PRKAR1B: variants seen among roughly 807,000 people sequenced by gnomAD.
PRKAR1B encodes protein kinase cAMP-dependent type I regulatory subunit beta.
A neutral mutation model predicts 46.5 loss-of-function variants in PRKAR1B; 22 were observed. The observed-to-expected ratio is 0.47, with a 90% CI of 0.34 to 0.68. The LOEUF (loss-of-function observed/expected upper bound fraction) is 0.68. PRKAR1B is among the 30% of genes least tolerant of loss of function. PRKAR1B has a pLI of 0.01. For missense variants in PRKAR1B, 445 were observed against 535.6 expected (o/e 0.83, Z 1.67); for synonymous variants, 259 against 217.7 (o/e 1.19, Z -1.67).
At chr7:622,130 AC>A (rs1351186464) in intron 4 of PRKAR1B, among the ~76,000 whole-genome samples, 1 of 152,154 alleles carries the variant, frequency 6.6e-6, no homozygotes, top group East Asian at 1.9e-4. Context: ...CCCCGCCCTC[AC>A]CCATGCAAAG....
chr7:570,060 G>C (rs1400515820), intron 9 of PRKAR1B, among the ~76,000 whole-genome samples: 1 of 152,264 alleles, frequency 6.6e-6, no homozygotes, highest in Admixed American at 6.5e-5. Context: ...AAGATGCGCT[G>C]AGATTTCCCT....
chr7:661,468 T>G (rs13227044), intron 4 of PRKAR1B, among the ~76,000 whole-genome samples: 32 of 62,476 alleles, frequency 5.1e-4, no homozygotes, highest in African/African-American at 7.4e-4. Flanking sequence ...CATGGCACAG[T>G]TCCCCACCAC....
rs113545611 is a variant in PRKAR1B at position 568,604 on chromosome 7, T to C, written c.891+10652A>G. 2.4e-3 allele frequency among the ~76,000 whole-genome samples: 370 copies of C among 152,332 alleles called. 1 individual carries two copies. The highest frequency in any genetic ancestry group is 8.8e-3 in the African/African-American group (364 of 41,580). On this transcript the variant is annotated intron_variant, in intron 9 of 10. Transcript: ENST00000537384. ...AGACCACCCCCCACAAGGGAGGGAA[T>C]GTCCACAACCCACTGCCTGCAGGAC...
At chr7:628,232 T>C (rs67374008) in intron 4 of PRKAR1B, among the ~76,000 whole-genome samples, 114,194 of 152,216 alleles carry the variant, frequency 0.75, 43,309 homozygotes, top group South Asian at 0.9. Flanking sequence ...GCACCGGATC[T>C]GCCTCTGCAT....
intron 2 of PRKAR1B, among the ~76,000 whole-genome samples, chr7:700,570 T>G (rs185750850): frequency 6.6e-6 from 1 of 152,044 alleles, no homozygotes; most frequent in Non-Finnish European, 1.5e-5. Context: ...GATTATCAGG[T>G]TAACACTCTA....
At chr7:709,671 T>C (rs1275066956) in intron 2 of PRKAR1B, among the ~76,000 whole-genome samples, 2 of 152,010 alleles carry the variant, frequency 1.3e-5, no homozygotes, top group South Asian at 2.1e-4. Context: ...CACCCAGCCG[T>C]GTGTATGTAT....
intron 4 of PRKAR1B, among the ~76,000 whole-genome samples, chr7:673,163 CAA>C (rs777411998): frequency 1.3e-5 from 2 of 148,594 alleles, no homozygotes; most frequent in Non-Finnish European, 3.0e-5. Context: ...ACTCTGTCTG[CAA>C]AGAGGGAGCT....
intron 2 of PRKAR1B, among the ~76,000 whole-genome samples, chr7:691,296 T>C (rs995477191): frequency 6.6e-6 from 1 of 152,056 alleles, no homozygotes; most frequent in African/African-American, 2.4e-5. Context: ...TTTCCATCCG[T>C]GAAATGAGCC....
intron 1 of PRKAR1B, among the ~76,000 whole-genome samples, chr7:720,359 T>G (rs953790350): frequency 3.3e-5 from 5 of 152,164 alleles, no homozygotes; most frequent in Non-Finnish European, 5.9e-5. Flanking sequence ...CGCCCAGCCC[T>G]CTGTGCAAGT....
chr7:617,597 C>G (rs80326641), intron 4 of PRKAR1B, among the ~76,000 whole-genome samples: 1 of 152,212 alleles, frequency 6.6e-6, no homozygotes, highest in African/African-American at 2.4e-5. Flanking sequence ...TCCCACCCAG[C>G]CCTGTAGGTT....
At chr7:583,596 G>GTA (rs1158845389) in intron 8 of PRKAR1B, among the ~76,000 whole-genome samples, 1 of 69,352 alleles carries the variant, frequency 1.4e-5, no homozygotes, top group African/African-American at 6.8e-5. Context: ...ACTCCCAGGT[G>GTA]CACACACACC....
At chr7:668,263 GCCAAA>G (rs961708373) in intron 4 of PRKAR1B, among the ~76,000 whole-genome samples, 15 of 152,198 alleles carry the variant, frequency 9.9e-5, no homozygotes, top group African/African-American at 3.4e-4. Flanking sequence ...GGCTTTGCTC[GCCAAA>G]CCACAGCTGA....
intron 2 of PRKAR1B, among the ~76,000 whole-genome samples, chr7:691,253 C>T (rs754648886): frequency 1.3e-5 from 2 of 152,244 alleles, no homozygotes; most frequent in Non-Finnish European, 2.9e-5. Context: ...CCGAAGGGTC[C>T]CGCGCCCACC....
intron 4 of PRKAR1B, among the ~76,000 whole-genome samples, chr7:627,537 G>A (rs867343694): frequency 6.6e-6 from 1 of 152,054 alleles, no homozygotes; most frequent in East Asian, 1.9e-4. Flanking sequence ...AACGCCACCC[G>A]GCACTCTACA....
rs1208723237 is a variant in PRKAR1B, at chr7:711,472, C to T, written c.34G>A (p.Asp12Asn). 3 of 1,614,034 alleles carry T rather than the reference C, an allele frequency of 1.9e-6. No individual in the cohort carries two copies. The highest frequency in any genetic ancestry group is 2.5e-6 in the Non-Finnish European group (3 of 1,180,016). ...ASPPACPSEE[D>N]ESLKGCELYV... ...AGCTCACAGCCCTTCAGGCTCTCGT[C>T]CTCCTCCGAGGGGCAGGCGGGCGGG... Residue 12 changes from aspartate to asparagine, a missense_variant, in exon 2 of 11, where the codon GAC becomes AAC. Physicochemically the swap from Asp to Asn is conservative, Grantham distance 23 (BLOSUM62 1). Coordinates refer to ENST00000537384, the MANE Select transcript of PRKAR1B (RefSeq NM_001164760.2).
At chr7:566,309 T>C (rs1467169749) in intron 9 of PRKAR1B, among the ~76,000 whole-genome samples, 1 of 144,602 alleles carries the variant, frequency 6.9e-6, no homozygotes, top group Non-Finnish European at 1.5e-5. Flanking sequence ...ACCATCATCA[T>C]CACCATATTC....
rs149313823 is a variant in PRKAR1B at position 609,080 on chromosome 7, A to G, written c.441-1628T>C. Among the ~76,000 whole-genome samples the G allele has an allele frequency of 3.5e-4, 38 of 109,172 alleles. 1 individual carries two copies. The highest frequency in any genetic ancestry group is 2.7e-3 in the East Asian group (7 of 2,606). The allele number at this position is 109,172 out of a possible 152,430, so 71.6% of individuals were successfully genotyped here. A position where few individuals can be genotyped will look rare whatever the true frequency, so the allele number is the denominator to read the frequency against. On this transcript the variant is annotated intron_variant, in intron 4 of 10. Coordinates refer to ENST00000537384, the MANE Select transcript of PRKAR1B (RefSeq NM_001164760.2). Reference sequence around the variant, plus strand: ...CAGTGGGTGGCAGGGCTGTAGGGAGAGCTGGGGGCCCTCCACTCTCCGCCC... The same window carrying G: ...CAGTGGGTGGCAGGGCTGTAGGGAGGGCTGGGGGCCCTCCACTCTCCGCCC...
At position 648,002 on chromosome 7, in the gene PRKAR1B, CG is replaced by C. The variant is rs776069519; in HGVS notation, c.440+29226del. Among the ~76,000 whole-genome samples the C allele has an allele frequency of 2.8e-4, 43 of 151,316 alleles. 1 individual carries two copies. Among genetic ancestry groups the C allele is most frequent in the Admixed American group, 2.0e-3 (30 of 15,128 alleles). ...CTCTACAAAAAATTTAAAAATTAGC[CG>C]GGTGTGGTGGTGCGCACCTGTGGTC... On this transcript the variant is annotated intron_variant, in intron 4 of 10. Coordinates refer to ENST00000537384, the MANE Select transcript of PRKAR1B (RefSeq NM_001164760.2).
At position 713,714 on chromosome 7, in the gene PRKAR1B, G is replaced by C. The variant is rs923619759; in HGVS notation, c.-22-2187C>G. Among the ~76,000 whole-genome samples, 3 of 152,024 alleles carry C rather than the reference G, an allele frequency of 2.0e-5. No homozygotes were observed. The East Asian group carries it at 5.8e-4, about 29-fold the overall frequency. On this transcript the variant is annotated intron_variant, in intron 1 of 10. Transcript: ENST00000537384. ...GTCCAGCTTTCTTGTTCATTGCTCA[G>C]CTGTCTCCCACTCACCTGCCTGCAC...
Sources: gnomAD v4.1 joint callset for allele counts (sites outside exome capture counted in the v4.1 genomes callset) on GRCh38, gnomAD v4.1.1 for gene constraint, MANE v1.5 for transcripts, NCBI Gene and HGNC (gene_info 2026-07-23, HGNC 2026-07-21) for gene names.